The following PRKAR1B variants were observed in gnomAD, a reference collection of about 807,000 sequenced individuals.
PRKAR1B encodes the protein protein kinase cAMP-dependent type I regulatory subunit beta, also known as cAMP-dependent protein kinase type I-beta regulatory subunit.
PRKAR1B carries 22 observed loss-of-function variants against 46.5 expected under a neutral mutation model. The observed-to-expected ratio is 0.47, with a 90% confidence interval of 0.34 to 0.68. PRKAR1B has a LOEUF of 0.68. Ranked by LOEUF, PRKAR1B falls within the 30% of genes least tolerant of loss-of-function variation. The probability of loss-of-function intolerance (pLI) is 0.01; values close to 1 mark genes in which losing one functional copy is unlikely to be tolerated. For missense variants in PRKAR1B, 445 were observed against 535.6 expected (o/e 0.83, Z 1.67); for synonymous variants, 259 against 217.7 (o/e 1.19, Z -1.67).
intron 4 of PRKAR1B, among the ~76,000 whole-genome samples, chr7:676,317 C>A (rs1458851645): frequency 6.6e-6 from 1 of 152,234 alleles, no homozygotes; most frequent in East Asian, 1.9e-4. Flanking sequence ...ATAACCCTGA[C>A]CTCCTCTGTC....
At chr7:609,321 A>T (rs9690509) in intron 4 of PRKAR1B, among the ~76,000 whole-genome samples, 102,945 of 151,930 alleles carry the variant, frequency 0.68, 35,354 homozygotes, top group South Asian at 0.85. Flanking sequence ...CCTCTTTTTT[A>T]AAAAAATATT....
At chr7:626,920 C>CA (rs1783434864) in intron 4 of PRKAR1B, among the ~76,000 whole-genome samples, 1 of 152,106 alleles carries the variant, frequency 6.6e-6, no homozygotes, top group Non-Finnish European at 1.5e-5. Flanking sequence ...CTCTATCACC[C>CA]AGGCTGTGCA....
intron 1 of PRKAR1B, among the ~76,000 whole-genome samples, chr7:712,107 A>C (rs1373374163): frequency 6.6e-6 from 1 of 151,426 alleles, no homozygotes; most frequent in Non-Finnish European, 1.5e-5. Context: ...CGCGCAGCGA[A>C]GTCACCATGG....
intron 1 of PRKAR1B, chr7:726,872 A>C: frequency 3.8e-6 from 5 of 1,320,556 alleles, no homozygotes; most frequent in Non-Finnish European, 4.8e-6. Flanking sequence ...CGCGCCTTGG[A>C]GGCCCTGCGG....
intron 4 of PRKAR1B, among the ~76,000 whole-genome samples, chr7:623,720 G>T (rs1304032435): frequency 6.6e-6 from 1 of 152,218 alleles, no homozygotes; most frequent in Non-Finnish European, 1.5e-5. Context: ...TCCACCGCAA[G>T]ACCCCATTGC....
rs1435155294 is a variant in PRKAR1B, at chr7:599,786, G to T, written c.550-3482C>A. Among the ~76,000 whole-genome samples, 15 of 149,982 alleles carry T rather than the reference G, an allele frequency of 1.0e-4. 1 individual carries two copies. The East Asian group carries it at 2.8e-3, about 28-fold the overall frequency. On this transcript the variant is annotated intron_variant, in intron 6 of 10. Transcript: ENST00000537384. ...GGAGCTGGGGGAGGCACATGGGCAG[G>T]CCCCCCATTCACCTTCACTCGCTCA...
chr7:612,045 T>C (rs1452398908), intron 4 of PRKAR1B, among the ~76,000 whole-genome samples: 6 of 125,700 alleles, frequency 4.8e-5, no homozygotes, highest in African/African-American at 9.2e-5. Flanking sequence ...GTGAGTAGAA[T>C]AACGGATGGA....
chr7:604,778 C>T (rs1450693246), intron 6 of PRKAR1B, among the ~76,000 whole-genome samples: 4 of 152,212 alleles, frequency 2.6e-5, no homozygotes, highest in Admixed American at 2.6e-4. Flanking sequence ...CTCGAAATAG[C>T]TCGTGCTGGG....
At chr7:598,182 ACCCT>A (rs1162381424) in intron 6 of PRKAR1B, among the ~76,000 whole-genome samples, 2 of 130,132 alleles carry the variant, frequency 1.5e-5, no homozygotes, top group Middle Eastern at 4.5e-3. Flanking sequence ...AAACACCATC[ACCCT>A]CCCTCCAGCA....
intron 9 of PRKAR1B, among the ~76,000 whole-genome samples, chr7:569,940 G>A (rs2128434858): frequency 6.6e-6 from 1 of 152,350 alleles, no homozygotes. Context: ...GGCCCAGGTG[G>A]AGGGCTCAGA....
In PRKAR1B at chr7:718,863, C is replaced by CTTTTTTTTTTTTT. The variant is rs1165723435; in HGVS notation, c.-22-7349_-22-7337dup. On this transcript the variant is annotated intron_variant, in intron 1 of 10. Transcript: ENST00000537384. ...TACAGAACTTCATCTCTTTTATAGG[C>CTTTTTTTTTTTTT]TTTTTTTTTTTTTTTTTTTTTTTGA... Among the ~76,000 whole-genome samples, 15 of 73,874 alleles carry CTTTTTTTTTTTTT rather than the reference C, an allele frequency of 2.0e-4. 1 individual carries two copies. The highest frequency in any genetic ancestry group is 2.7e-4 in the Non-Finnish European group (11 of 41,330). The allele number at this position is 73,874 out of a possible 152,430, so 48.5% of individuals were successfully genotyped here.
intron 4 of PRKAR1B, among the ~76,000 whole-genome samples, chr7:674,836 G>C (rs1286019933): frequency 2.0e-5 from 3 of 152,176 alleles, no homozygotes; most frequent in African/African-American, 7.2e-5. Context: ...GGGCACCCTG[G>C]ACCCAAAGTA....
chr7:587,472 C>T (rs928261744), intron 7 of PRKAR1B, among the ~76,000 whole-genome samples: 35 of 152,230 alleles, frequency 2.3e-4, no homozygotes, highest in African/African-American at 8.4e-4. Flanking sequence ...AAGTGGGGGT[C>T]TGCCCTGGCC....
intron 9 of PRKAR1B, among the ~76,000 whole-genome samples, chr7:572,642 C>T (rs1051456833): frequency 1.3e-5 from 2 of 152,228 alleles, no homozygotes; most frequent in Admixed American, 6.5e-5. Context: ...CATCTTCGGG[C>T]GGAGTGGGAG....
rs141745356 is a variant in PRKAR1B, at chr7:637,427, A to G, written c.441-29975T>C. Among the ~76,000 whole-genome samples the G allele has an allele frequency of 1.8e-3, 267 of 152,238 alleles. 1 individual carries two copies. The highest frequency in any genetic ancestry group is 1.0e-3 in the Non-Finnish European group (69 of 68,018). ...GTAAGACTCTGTCTCAAAAAAACAA[A>G]CAAACAAATCATGTTTATTAAAATG... On this transcript the variant is annotated intron_variant, in intron 4 of 10. Coordinates refer to ENST00000537384, the MANE Select transcript of PRKAR1B (RefSeq NM_001164760.2).
chr7:580,691 C>T (rs62431415), intron 8 of PRKAR1B, among the ~76,000 whole-genome samples: 62,667 of 148,008 alleles, frequency 0.42, 13,698 homozygotes, highest in African/African-American at 0.49. Context: ...AATTTACTAA[C>T]GTCAGATTTT....
chr7:669,517 A>G (rs1786106441), intron 4 of PRKAR1B, among the ~76,000 whole-genome samples: 1 of 152,138 alleles, frequency 6.6e-6, no homozygotes, highest in Non-Finnish European at 1.5e-5. Context: ...TAATCCCAGC[A>G]CTTTGGGAGG....
In PRKAR1B at chr7:610,333, G is replaced by A. The variant is rs547120435; in HGVS notation, c.441-2881C>T. Among the ~76,000 whole-genome samples, 4 of 152,290 alleles carry A rather than the reference G, an allele frequency of 2.6e-5. No individual in the cohort carries two copies. The South Asian group carries it at 6.2e-4, about 24-fold the overall frequency. Reference sequence around the variant, plus strand: ...TCAGTCCTTGGTATCAATGAAAGCCGACTTTCCACACACCCAGGTGCCTGG... The same window carrying A: ...TCAGTCCTTGGTATCAATGAAAGCCAACTTTCCACACACCCAGGTGCCTGG... On this transcript the variant is annotated intron_variant, in intron 4 of 10. Transcript: ENST00000537384.
Position 726,748 on chromosome 7 carries a change from G to A in PRKAR1B, c.-23+462C>T, listed in dbSNP as rs577934097. On this transcript the variant is annotated intron_variant, in intron 1 of 10. Transcript: ENST00000537384. ...GGCGGCGCTGGGGGTGGCGGAGGCCGTGGCGGCCCCACACCCGGCTGAGGG... is the reference window on the plus strand; with the variant it reads ...GGCGGCGCTGGGGGTGGCGGAGGCCATGGCGGCCCCACACCCGGCTGAGGG... 29 of 1,245,996 alleles carry A rather than the reference G, an allele frequency of 2.3e-5. No individual in the cohort carries two copies. In the East Asian group the frequency reaches 8.2e-4, roughly 35 times the overall value. 77.2% of individuals were successfully genotyped at this position (1,245,996 alleles called of 1,614,324 possible). A position where few individuals can be genotyped will look rare whatever the true frequency, so the allele number is the denominator to read the frequency against.
Sources: gnomAD v4.1 joint callset for allele counts (sites outside exome capture counted in the v4.1 genomes callset) on GRCh38, gnomAD v4.1.1 for gene constraint, MANE v1.5 for transcripts, NCBI Gene and HGNC (gene_info 2026-07-23, HGNC 2026-07-21) for gene names.